TSPEAR: variants seen among roughly 807,000 people sequenced by gnomAD.
The protein encoded by TSPEAR is thrombospondin-type laminin G domain and EAR repeat-containing protein.
In TSPEAR, 69 loss-of-function variants were observed where a neutral mutation model predicts 71.6. The observed-to-expected ratio is 0.96, with a 90% CI of 0.79 to 1.18. The LOEUF is 1.18. Among genes scored for constraint, TSPEAR ranks in the 50% most tolerant of loss-of-function variants. TSPEAR has a pLI of 0.00. For missense variants in TSPEAR, 971 were observed against 894.9 expected, an observed-to-expected ratio of 1.09 and a Z score of -1.09; for synonymous variants, 402 against 387.2, an observed-to-expected ratio of 1.04 and a Z score of -0.45.
At chr21:44,596,379 C>T (rs1194589237) in intron 1 of TSPEAR, among the ~76,000 whole-genome samples, 1 of 152,248 alleles carries the variant, frequency 6.6e-6, no homozygotes, top group Non-Finnish European at 1.5e-5. Flanking sequence ...CAACCACACT[C>T]AAGGAGTGTG....
intron 2 of TSPEAR, chr21:44,557,766 C>G (rs1480660203): frequency 1.4e-5 from 7 of 491,932 alleles, no homozygotes; most frequent in Non-Finnish European, 2.5e-5. Flanking sequence ...CAGGGTTTGC[C>G]AGATATGCAA....
rs782302061 is a variant in TSPEAR, at chr21:44,520,588, G to C, written c.1566+1295C>G. On this transcript the variant is annotated intron_variant, in intron 9 of 11. Transcript: ENST00000323084. The surrounding 1 kb of genome is among the most constrained non-coding windows in gnomAD (Gnocchi z 4.2). ...CCCTGTGAGCCGCGGCTCCTGGTCC[G>C]GCCCCTGCGGGCTTCTCAAGGTGGT... 1 of 152,194 alleles carries C rather than the reference G, an allele frequency of 6.6e-6. No homozygotes were observed. The highest frequency in any genetic ancestry group is 1.5e-5 in the Non-Finnish European group (1 of 68,078). 9.4% of individuals were successfully genotyped at this position (152,194 alleles called of 1,614,324 possible). A position where few individuals can be genotyped will look rare whatever the true frequency, so the allele number is the denominator to read the frequency against.
intron 1 of TSPEAR, among the ~76,000 whole-genome samples, chr21:44,704,769 C>A (rs956109013): frequency 1.3e-5 from 2 of 152,236 alleles, no homozygotes; most frequent in Admixed American, 6.5e-5. Flanking sequence ...CCTCCACACC[C>A]ATCACTGGGG....
chr21:44,550,020 C>T (rs2053376757), intron 2 of TSPEAR, among the ~76,000 whole-genome samples: 1 of 152,278 alleles, frequency 6.6e-6, no homozygotes, highest in South Asian at 2.1e-4. Context: ...CACCTCCCAG[C>T]ACAGCTGGGG....
At chr21:44,639,313 G>T (rs782415034) in intron 1 of TSPEAR, among the ~76,000 whole-genome samples, 1 of 152,194 alleles carries the variant, frequency 6.6e-6, no homozygotes, top group Admixed American at 6.5e-5. Flanking sequence ...CCGCCAGGTC[G>T]CTGTGCGCAT....
rs1555931012 is a variant in TSPEAR at position 44,612,020 on chromosome 21, G to A, written c.83-44015C>T. ...CTCCTGTGAGGAAAATACCCAGGGA[G>A]GGTATAAAACCTCAGCAGCCAGGGC... On this transcript the variant is annotated intron_variant, in intron 1 of 11. Coordinates refer to ENST00000323084, the MANE Select transcript of TSPEAR (RefSeq NM_144991.3). The surrounding 1 kb of genome is among the most constrained non-coding windows in gnomAD (Gnocchi z 4.1). 1 of 1,396,454 alleles carries A rather than the reference G, an allele frequency of 7.2e-7. No individual in the cohort carries two copies. The highest frequency in any genetic ancestry group is 1.4e-5 in the African/African-American group (1 of 70,342). 86.5% of individuals were successfully genotyped at this position (1,396,454 alleles called of 1,614,324 possible).
At chr21:44,676,667 C>A in intron 1 of TSPEAR, 1 of 770,030 alleles carries the variant, frequency 1.3e-6, no homozygotes. Flanking sequence ...CACAAGTGAT[C>A]AGTGTGGGCA....
intron 1 of TSPEAR, among the ~76,000 whole-genome samples, chr21:44,576,529 T>G (rs959357439): frequency 6.7e-6 from 1 of 150,150 alleles, no homozygotes; most frequent in Non-Finnish European, 1.5e-5. Context: ...GCAAACCTCA[T>G]GGGTGAACAT....
intron 1 of TSPEAR, among the ~76,000 whole-genome samples, chr21:44,594,381 C>T (rs1191756866): frequency 5.9e-5 from 9 of 152,140 alleles, no homozygotes; most frequent in South Asian, 2.1e-4. Flanking sequence ...ACTCAGGCTG[C>T]GAGGAACTGG....
At chr21:44,627,202 A>G in intron 1 of TSPEAR, 3 of 1,612,636 alleles carry the variant, frequency 1.9e-6, no homozygotes, top group Non-Finnish European at 2.5e-6. Flanking sequence ...CATCCGCTCC[A>G]GCGCTTACTC....
chr21:44,666,699 GA>G (rs1555944844), intron 1 of TSPEAR: 3 of 1,613,822 alleles, frequency 1.9e-6, no homozygotes, highest in Non-Finnish European at 2.5e-6. Flanking sequence ...CACACACACA[GA>G]AGACTGGCAG....
intron 1 of TSPEAR, chr21:44,657,827 T>A (rs1247377879): frequency 1.4e-6 from 1 of 712,466 alleles, no homozygotes; most frequent in East Asian, 2.6e-5. Context: ...GAAAATAAGA[T>A]GTTGGGAAAC....
intron 1 of TSPEAR, chr21:44,591,757 C>G (rs782699928): frequency 1.3e-5 from 20 of 1,599,378 alleles, no homozygotes; most frequent in Non-Finnish European, 1.6e-5. Flanking sequence ...ATCCTCAGAG[C>G]AGGTGGGCAC....
chr21:44,704,831 GC>G (rs35792144), intron 1 of TSPEAR, among the ~76,000 whole-genome samples: 89,542 of 151,636 alleles, frequency 0.59, 27,236 homozygotes, highest in Non-Finnish European at 0.68. Flanking sequence ...TCACGTCACG[GC>G]CCCGGCACGC....
intron 1 of TSPEAR, among the ~76,000 whole-genome samples, chr21:44,652,143 C>T (rs1984841572): frequency 6.6e-6 from 1 of 152,022 alleles, no homozygotes. Flanking sequence ...GCCACCTCTC[C>T]CGGCTAATTT....
intron 1 of TSPEAR, among the ~76,000 whole-genome samples, chr21:44,671,962 G>A (rs8127211): frequency 0.75 from 114,147 of 152,048 alleles, 43,071 homozygotes; most frequent in African/African-American, 0.83. Context: ...CAGAAAAACA[G>A]TTCAGGATAT....
chr21:44,567,708 G>A, intron 2 of TSPEAR, 77 bp downstream of exon 2: 1 of 1,297,484 alleles, frequency 7.7e-7, no homozygotes. Context: ...CCCTCAACCT[G>A]TGCACGCGTT....
At chr21:44,523,692 G>C (rs587709746) in intron 8 of TSPEAR, among the ~76,000 whole-genome samples, 2 of 151,342 alleles carry the variant, frequency 1.3e-5, no homozygotes, top group Non-Finnish European at 2.9e-5. Context: ...CAGCCAGTCA[G>C]ATAGGCAGGT....
chr21:44,601,410 G>C (rs1980886881), intron 1 of TSPEAR: 1 of 1,612,184 alleles, frequency 6.2e-7, no homozygotes, highest in South Asian at 1.1e-5. Context: ...AAAGCCAGCA[G>C]GGCTGCTGCG....
Sources: allele counts gnomAD v4.1 joint callset (sites outside exome capture counted in the v4.1 genomes callset), GRCh38; gene constraint gnomAD v4.1.1; non-coding constraint Gnocchi (gnomAD v3.1); transcripts MANE v1.5; gene names NCBI Gene and HGNC (gene_info 2026-07-23, HGNC 2026-07-21).